Variants in TANGO6 observed in about 807,000 individuals in gnomAD.
The protein encoded by TANGO6 is transport and golgi organization 6 homolog.
A neutral mutation model predicts 114.2 loss-of-function variants in TANGO6; 90 were observed. The observed-to-expected ratio is 0.79, with a 90% confidence interval of 0.66 to 0.94. The LOEUF is 0.94. Among genes scored for constraint, TANGO6 ranks in the 40% least tolerant of loss-of-function variants. The pLI is 0.00. For missense variants in TANGO6, 1,274 were observed against 1,315.3 expected, an observed-to-expected ratio of 0.97 and a Z score of 0.49; for synonymous variants, 477 against 509.8, an observed-to-expected ratio of 0.94 and a Z score of 0.87.
rs1198689509 is a variant in TANGO6, at chr16:68,919,222, G to C, written c.2127+3G>C. 6.2e-7 allele frequency: 1 copy of C among 1,612,182 alleles called. No homozygotes were observed. On this transcript the variant is annotated splice_donor_region_variant and intron_variant, in intron 12 of 17. Coordinates refer to ENST00000261778, the MANE Select transcript of TANGO6 (RefSeq NM_024562.2). ...TCATGCTAGGAGGAGCTGTTCAGGT[G>C]AGTTGTAGACATGAGGCAAGCTTGA...
intron 1 of TANGO6, among the ~76,000 whole-genome samples, chr16:68,854,912 A>G (rs1054468242): frequency 6.6e-6 from 1 of 152,012 alleles, no homozygotes; most frequent in Non-Finnish European, 1.5e-5. Flanking sequence ...TAAATTTTTT[A>G]ATCAGTTTGT....
chr16:69,008,787 C>T (rs1316657140), intron 15 of TANGO6, among the ~76,000 whole-genome samples: 2 of 152,006 alleles, frequency 1.3e-5, no homozygotes, highest in Non-Finnish European at 2.9e-5. Flanking sequence ...GGATTACAGG[C>T]ACCTGCCACC....
chr16:69,046,542 C>T (rs867645443), intron 17 of TANGO6, among the ~76,000 whole-genome samples: 28 of 152,158 alleles, frequency 1.8e-4, no homozygotes, highest in Middle Eastern at 6.8e-3. Flanking sequence ...TCTCAAACTC[C>T]TGACCTCAGG....
At chr16:68,882,414 G>A (rs148006032) in intron 7 of TANGO6, among the ~76,000 whole-genome samples, 7 of 151,868 alleles carry the variant, frequency 4.6e-5, no homozygotes, top group Admixed American at 6.6e-5. Flanking sequence ...GGAGAATGGC[G>A]TGAACCTGGA....
intron 7 of TANGO6, among the ~76,000 whole-genome samples, chr16:68,891,129 TAA>T (rs1374874969): frequency 2.0e-5 from 3 of 148,634 alleles, no homozygotes; most frequent in Admixed American, 1.3e-4. Flanking sequence ...CCATCTCTAC[TAA>T]AAATACAAAA....
intron 17 of TANGO6, among the ~76,000 whole-genome samples, chr16:69,041,174 C>CA (rs753096451): frequency 3.9e-5 from 6 of 152,046 alleles, no homozygotes; most frequent in Non-Finnish European, 8.8e-5. Flanking sequence ...AGGCCAGGCT[C>CA]GGTGGCTCAT....
chr16:68,953,269 G>A (rs1469352741), intron 14 of TANGO6, among the ~76,000 whole-genome samples: 2 of 151,928 alleles, frequency 1.3e-5, no homozygotes, highest in Non-Finnish European at 2.9e-5. Context: ...ATTTAGCAGA[G>A]ACAGGGTTTC....
At chr16:68,979,927 G>A (rs983187495) in intron 15 of TANGO6, among the ~76,000 whole-genome samples, 1 of 149,288 alleles carries the variant, frequency 6.7e-6, no homozygotes, top group East Asian at 2.0e-4. Context: ...TCACTTCAAC[G>A]TCCGGCTGCC....
At chr16:69,022,744 T>C in intron 15 of TANGO6, 84 bp from the exon 16 acceptor site, 1 of 1,421,860 alleles carries the variant, frequency 7.0e-7, no homozygotes, top group East Asian at 2.5e-5. Flanking sequence ...CATCATGCAG[T>C]GAACTATGGA....
At chr16:68,929,775 A>G (rs754908397) in intron 13 of TANGO6, among the ~76,000 whole-genome samples, 10 of 152,240 alleles carry the variant, frequency 6.6e-5, no homozygotes, top group Non-Finnish European at 1.3e-4. Flanking sequence ...ATTAGAACAG[A>G]TTCAAAGTTA....
intron 14 of TANGO6, among the ~76,000 whole-genome samples, chr16:68,960,880 T>C (rs1963582448): frequency 2.0e-5 from 3 of 152,202 alleles, no homozygotes; most frequent in Admixed American, 2.0e-4. Context: ...ATAAAGATGT[T>C]GTGGAGTGGA....
intron 14 of TANGO6, among the ~76,000 whole-genome samples, chr16:68,931,948 G>A (rs1002299463): frequency 2.6e-5 from 4 of 152,182 alleles, no homozygotes; most frequent in Admixed American, 6.5e-5. Context: ...TCCGCCTCCC[G>A]GGTTCAAGCG....
chr16:68,874,315 A>C (rs1962324078), intron 4 of TANGO6, among the ~76,000 whole-genome samples: 2 of 152,170 alleles, frequency 1.3e-5, no homozygotes, highest in Admixed American at 6.6e-5. Context: ...TATCGCCTGA[A>C]AACTCTCTCC....
At chr16:69,020,946 T>C (rs1959396066) in intron 15 of TANGO6, among the ~76,000 whole-genome samples, 1 of 147,354 alleles carries the variant, frequency 6.8e-6, no homozygotes, top group African/African-American at 2.5e-5. Context: ...GTGTGTGGTG[T>C]GTGTGTGTAT....
At chr16:69,061,958 G>A (rs992088246) in intron 17 of TANGO6, among the ~76,000 whole-genome samples, 1 of 152,026 alleles carries the variant, frequency 6.6e-6, no homozygotes, top group African/African-American at 2.4e-5. Flanking sequence ...GGCGGAGGTT[G>A]CAGCGAGCCG....
intron 17 of TANGO6, among the ~76,000 whole-genome samples, chr16:69,055,020 AT>A (rs199952725): frequency 0.1 from 15,030 of 145,502 alleles, 843 homozygotes; most frequent in South Asian, 0.24. Flanking sequence ...AAAGATGCCA[AT>A]TTTTTTTTTT....
intron 9 of TANGO6, among the ~76,000 whole-genome samples, chr16:68,903,149 A>C (rs1847742039): frequency 5.9e-5 from 9 of 152,212 alleles, no homozygotes; most frequent in Admixed American, 5.9e-4. Flanking sequence ...TCACATTCAA[A>C]GTGCTGCTGT....
chr16:68,864,011 C>T (rs1019660236), intron 3 of TANGO6, among the ~76,000 whole-genome samples: 5 of 151,450 alleles, frequency 3.3e-5, no homozygotes, highest in African/African-American at 7.3e-5. Flanking sequence ...CCTGTCTCTA[C>T]GAAAAATACA....
At chr16:69,058,204 C>T (rs200194679) in intron 17 of TANGO6, among the ~76,000 whole-genome samples, 1 of 152,176 alleles carries the variant, frequency 6.6e-6, no homozygotes, top group Admixed American at 6.5e-5. Context: ...GAAATGACAG[C>T]CTGGATTGAT....
Sources: allele counts gnomAD v4.1 joint callset (sites outside exome capture counted in the v4.1 genomes callset), GRCh38; gene constraint gnomAD v4.1.1; transcripts MANE v1.5; gene names NCBI Gene and HGNC (gene_info 2026-07-23, HGNC 2026-07-21).